The following IL1R2 variants were observed in gnomAD, a reference collection of about 807,000 sequenced individuals.
The protein encoded by IL1R2 is interleukin-1 receptor type 2.
IL1R2 carries 46 observed loss-of-function variants against 39.5 expected under a neutral mutation model. The ratio of observed to expected loss-of-function variants is 1.16; its 90% CI spans 0.92 to 1.49. The LOEUF is 1.49. Ranked by LOEUF, IL1R2 falls within the 40% of genes most tolerant of loss-of-function variation. The probability of loss-of-function intolerance (pLI) is 0.00; values close to 1 mark genes in which losing one functional copy is unlikely to be tolerated. For synonymous variants in IL1R2, 207 were observed against 189.6 expected, an observed-to-expected ratio of 1.09 and a Z score of -0.75; for missense variants, 537 against 502.0, an observed-to-expected ratio of 1.07 and a Z score of -0.67.
At chr2:102,013,524 C>CAAAAAAAAA (rs771727938) in intron 3 of IL1R2, among the ~76,000 whole-genome samples, 4 of 5,690 alleles carry the variant, frequency 7.0e-4, no homozygotes, top group South Asian at 0.01. Context: ...TCTATCACTG[C>CAAAAAAAAA]AAAAAAAAAA....
intron 4 of IL1R2, among the ~76,000 whole-genome samples, chr2:102,017,964 T>A (rs1424936551): frequency 6.6e-6 from 1 of 152,240 alleles, no homozygotes; most frequent in South Asian, 2.1e-4. Context: ...GGTTAAGTAG[T>A]TGGCTGGTTT....
intron 8 of IL1R2, among the ~76,000 whole-genome samples, chr2:102,027,009 T>G (rs879881066): frequency 3.9e-5 from 6 of 152,178 alleles, no homozygotes; most frequent in Non-Finnish European, 8.8e-5. Context: ...CAGTGTAAAC[T>G]GGAAAGCCAA....
At chr2:102,019,610 T>C (rs764227990) in intron 4 of IL1R2, 28 bp from the exon 5 acceptor site, 1 of 1,528,332 alleles carries the variant, frequency 6.5e-7, no homozygotes. Context: ...TGGTATAATG[T>C]CAACTTAAAA....
rs755029686 is a variant in IL1R2, at chr2:102,015,859, C to T, written c.333-12C>T. 3.8e-6 allele frequency: 6 copies of T among 1,598,460 alleles called. No individual in the cohort carries two copies. The highest frequency in any genetic ancestry group is 2.2e-5 in the South Asian group (2 of 89,160). ...GCCTTGCCATTTATCTTTTTTTTCC[C>T]TTTTAAATCAGAAATGCTTCTTACT... is the stretch of plus-strand genomic sequence containing the variant. On this transcript the variant is annotated splice_polypyrimidine_tract_variant and intron_variant, in intron 3 of 8. Transcript: ENST00000332549.
chr2:102,020,135 G>A (rs1677278751), intron 5 of IL1R2, among the ~76,000 whole-genome samples: 1 of 152,206 alleles, frequency 6.6e-6, no homozygotes, highest in East Asian at 1.9e-4. Flanking sequence ...GTGAAGCTTT[G>A]CACCTATAGG....
intron 3 of IL1R2, among the ~76,000 whole-genome samples, chr2:102,013,798 C>A (rs923978304): frequency 6.6e-6 from 1 of 152,054 alleles, no homozygotes; most frequent in African/African-American, 2.4e-5. Flanking sequence ...GAGCAGGAAG[C>A]CTGCTTTGGA....
chr2:102,002,717 T>TATGCCTATGCCTATGC (rs1559412789), intron 1 of IL1R2, among the ~76,000 whole-genome samples: 1 of 152,060 alleles, frequency 6.6e-6, no homozygotes, highest in African/African-American at 2.4e-5. Context: ...TATGTCTATG[T>TATGCCTATGCCTATGC]CTATGCCTAT....
chr2:102,025,373 G>A (rs2150463548), intron 7 of IL1R2, among the ~76,000 whole-genome samples: 1 of 152,288 alleles, frequency 6.6e-6, no homozygotes, highest in Middle Eastern at 3.4e-3. Flanking sequence ...TAATTTAGTG[G>A]ATAAAAACTA....
rs187827315 is a variant in IL1R2, at chr2:102,013,781, G to A, written c.333-2090G>A. 4.8e-3 allele frequency among the ~76,000 whole-genome samples: 725 copies of A among 152,182 alleles called. 3 individuals carry two copies. The highest frequency in any genetic ancestry group is 7.5e-3 in the Non-Finnish European group (511 of 68,000). On this transcript the variant is annotated intron_variant, in intron 3 of 8. Coordinates refer to ENST00000332549, the MANE Select transcript of IL1R2 (RefSeq NM_004633.4). The stretch of plus-strand genomic sequence containing the variant: ...TCACTATTTCAAATGTTATTGGTTG[G>A]TTGCTAGAGCAGGAAGCCTGCTTTG...
At chr2:102,016,101 C>A in intron 4 of IL1R2, 50 bp downstream of exon 4, 1 of 1,434,054 alleles carries the variant, frequency 7.0e-7, no homozygotes, top group Non-Finnish European at 9.7e-7. Context: ...TCTTTTTTTA[C>A]TAGCCATAAA....
chr2:102,007,502 C>T (rs145618279), intron 1 of IL1R2, among the ~76,000 whole-genome samples: 1 of 152,152 alleles, frequency 6.6e-6, no homozygotes, highest in African/African-American at 2.4e-5. Flanking sequence ...GAGTTAGGGA[C>T]AGAACTGTGA....
At chr2:102,011,862 T>C (rs1309566853) in intron 3 of IL1R2, among the ~76,000 whole-genome samples, 2 of 152,244 alleles carry the variant, frequency 1.3e-5, no homozygotes, top group African/African-American at 4.8e-5. Context: ...TGTTTTCTTC[T>C]AAGAATTTTA....
intron 1 of IL1R2, among the ~76,000 whole-genome samples, chr2:101,995,671 G>T (rs1488364934): frequency 6.6e-6 from 1 of 152,192 alleles, no homozygotes; most frequent in Non-Finnish European, 1.5e-5. Flanking sequence ...CCTCCAAGGT[G>T]TACTGTGGCA....
chr2:102,008,851 C>T (rs1486197484), intron 2 of IL1R2, among the ~76,000 whole-genome samples: 2 of 126,290 alleles, frequency 1.6e-5, no homozygotes, highest in South Asian at 2.5e-4. Context: ...GAGAGACCCA[C>T]GTCTCTACAA....
intron 3 of IL1R2, among the ~76,000 whole-genome samples, chr2:102,013,557 AG>A (rs1559421426): frequency 5.1e-4 from 67 of 131,628 alleles, no homozygotes; most frequent in East Asian, 6.6e-4. Context: ...AAAAAAGGAA[AG>A]AAAGAAAAGA....
intron 7 of IL1R2, chr2:102,024,931 C>T: frequency 2.5e-6 from 1 of 406,382 alleles, no homozygotes; most frequent in South Asian, 3.2e-5. Flanking sequence ...AACATTGATC[C>T]TTTTATTTTC....
chr2:102,012,083 A>G (rs891159243), intron 3 of IL1R2, among the ~76,000 whole-genome samples: 5 of 152,196 alleles, frequency 3.3e-5, no homozygotes, highest in Non-Finnish European at 5.9e-5. Context: ...GTGATCTTAA[A>G]AAGTTTCTTG....
chr2:102,005,674 A>C (rs1269111159), intron 1 of IL1R2, among the ~76,000 whole-genome samples: 1 of 152,150 alleles, frequency 6.6e-6, no homozygotes, highest in Non-Finnish European at 1.5e-5. Context: ...ATCACATGAC[A>C]CTTCCACTTA....
chr2:102,028,030 G>A (rs374590402), intron 8 of IL1R2, among the ~76,000 whole-genome samples, 196 bp from the exon 9 acceptor site: 40 of 152,294 alleles, frequency 2.6e-4, no homozygotes, highest in African/African-American at 8.7e-4. Flanking sequence ...TATCACGCTC[G>A]TTTCTCTAAT....
Sources: allele counts gnomAD v4.1 joint callset (sites outside exome capture counted in the v4.1 genomes callset), GRCh38; gene constraint gnomAD v4.1.1; transcripts MANE v1.5; gene names NCBI Gene and HGNC (gene_info 2026-07-23, HGNC 2026-07-21).